OSBPL2: variants seen among roughly 807,000 people sequenced by gnomAD.
The protein encoded by OSBPL2 is oxysterol-binding protein-related protein 2.
OSBPL2 carries 18 observed loss-of-function variants against 58.4 expected under a neutral mutation model. That is an observed-to-expected ratio of 0.31 (90% CI 0.21 to 0.46). The LOEUF (loss-of-function observed/expected upper bound fraction) is 0.46, where lower values mean the gene tolerates loss of function less well. OSBPL2 is among the 20% of genes least tolerant of loss of function. The probability of loss-of-function intolerance (pLI) is 1.00; values close to 1 mark genes in which losing one functional copy is unlikely to be tolerated. For synonymous variants in OSBPL2, 221 were observed against 234.1 expected (o/e 0.94, Z 0.51); for missense variants, 461 against 616.5 (o/e 0.75, Z 2.67).
intron 1 of OSBPL2, among the ~76,000 whole-genome samples, chr20:62,241,755 G>A (rs1979754019): frequency 1.3e-5 from 2 of 152,230 alleles, no homozygotes; most frequent in Non-Finnish European, 2.9e-5. Context: ...TGCCTGGGCC[G>A]CCCTTGGCTC....
rs1373558399 is a variant in OSBPL2 at position 62,288,506 on chromosome 20, G to A, written c.1126-701G>A. On this transcript the variant is annotated intron_variant, in intron 11 of 13. Coordinates refer to ENST00000313733, the MANE Select transcript of OSBPL2 (RefSeq NM_144498.4). This position sits in a 1 kb window ranked among gnomAD's most constrained non-coding sequence, Gnocchi z 4.8. ...GTGCAGAGGCTGGGAGGCTGTGGGT[G>A]CAGAGGCCGGAGGCTGTGGGTGCAG... Among the ~76,000 whole-genome samples, 369 of 146,010 alleles carry A rather than the reference G, an allele frequency of 2.5e-3. No homozygotes were observed. Among genetic ancestry groups the A allele is most frequent in the African/African-American group, 9.1e-3 (346 of 38,054 alleles).
At chr20:62,274,214 T>C (rs1031655285) in intron 6 of OSBPL2, among the ~76,000 whole-genome samples, 2 of 152,172 alleles carry the variant, frequency 1.3e-5, no homozygotes, top group Non-Finnish European at 2.9e-5. Flanking sequence ...ATTCACAGAA[T>C]CATCCTGGGA....
At chr20:62,247,342 C>G in intron 1 of OSBPL2, among the ~76,000 whole-genome samples, 1 of 152,242 alleles carries the variant, frequency 6.6e-6, no homozygotes. Context: ...GATGTGGCCT[C>G]TTGTGGAGCA....
intron 3 of OSBPL2, among the ~76,000 whole-genome samples, chr20:62,262,023 T>C (rs1188359380): frequency 1.3e-5 from 2 of 151,884 alleles, no homozygotes; most frequent in Non-Finnish European, 2.9e-5. Context: ...CAAAGTATTG[T>C]GATTAAAGGT....
chr20:62,241,559 T>A (rs1185395871), intron 1 of OSBPL2, among the ~76,000 whole-genome samples: 5 of 152,268 alleles, frequency 3.3e-5, no homozygotes, highest in African/African-American at 1.2e-4. Flanking sequence ...TGTCTGGCCG[T>A]GCAGGCACAG....
At position 62,291,699 on chromosome 20, in the gene OSBPL2, CT is replaced by C. The variant is rs781009740; in HGVS notation, c.1250-3del. ...CTGACCTAAACTGTTTGCTTGGATC[CT>C]AGATCTGGCCAGCCAGGAGAAGGAG... On this transcript the variant is annotated splice_region_variant and splice_polypyrimidine_tract_variant and intron_variant, in intron 12 of 13. Coordinates refer to ENST00000313733, the MANE Select transcript of OSBPL2 (RefSeq NM_144498.4). 326 of 1,613,470 alleles carry C rather than the reference CT, an allele frequency of 2.0e-4. 1 individual carries two copies. Among genetic ancestry groups the C allele is most frequent in the Admixed American group, 1.7e-4 (10 of 60,014 alleles).
At chr20:62,277,365 C>T (rs956857953) in intron 6 of OSBPL2, among the ~76,000 whole-genome samples, 2 of 152,278 alleles carry the variant, frequency 1.3e-5, no homozygotes, top group Non-Finnish European at 2.9e-5. Flanking sequence ...TAGAGCGGGG[C>T]GTGCCGCCAG....
intron 1 of OSBPL2, among the ~76,000 whole-genome samples, chr20:62,240,787 T>C (rs992581600): frequency 6.6e-6 from 1 of 152,244 alleles, no homozygotes; most frequent in Admixed American, 6.5e-5. Context: ...CATTTCATTT[T>C]TTCTGAAATA....
chr20:62,279,763 G>A (rs1366174228), intron 7 of OSBPL2, among the ~76,000 whole-genome samples: 2 of 152,252 alleles, frequency 1.3e-5, no homozygotes, highest in Non-Finnish European at 1.5e-5. Context: ...GGCAATGAGG[G>A]TTGGGTTGCC....
intron 5 of OSBPL2, among the ~76,000 whole-genome samples, chr20:62,272,838 G>C (rs1352432360): frequency 6.6e-6 from 1 of 152,268 alleles, no homozygotes; most frequent in Non-Finnish European, 1.5e-5. Flanking sequence ...AGAGGCTACA[G>C]TGAGCCACGA....
At chr20:62,280,678 C>T (rs2282214) in intron 7 of OSBPL2, among the ~76,000 whole-genome samples, 60,741 of 152,104 alleles carry the variant, frequency 0.4, 13,015 homozygotes, top group East Asian at 0.52. Context: ...CACCCCTCCA[C>T]AGCCATGTGC....
Position 62,263,687 on chromosome 20 carries a change from G to A in OSBPL2, c.254G>A (p.Gly85Asp), listed in dbSNP as rs1981466689. Residue 85 changes from glycine (G) to aspartate (D), a missense_variant, in exon 4 of 14, where the codon GGC becomes GAC. Transcript: ENST00000313733. ...SVWTILKKCV[G>D]LELSKITMPI... is the part of the protein sequence containing the mutation. The stretch of plus-strand genomic sequence containing the variant: ...TGGACCATCCTGAAGAAGTGTGTTG[G>A]CCTGGTGAGTCCGGGGGCCCGTGTT... 2 of 1,613,834 alleles carry A rather than the reference G, an allele frequency of 1.2e-6. No individual in the cohort carries two copies. The highest frequency in any genetic ancestry group is 3.3e-5 in the Admixed American group (2 of 60,004).
intron 1 of OSBPL2, among the ~76,000 whole-genome samples, chr20:62,240,337 G>T (rs1229878866): frequency 1.3e-5 from 2 of 152,166 alleles, no homozygotes; most frequent in African/African-American, 4.8e-5. Context: ...CTCCCTCATA[G>T]AATTTACCCT....
intron 12 of OSBPL2, among the ~76,000 whole-genome samples, chr20:62,290,635 C>T (rs774469309): frequency 4.7e-5 from 7 of 149,692 alleles, no homozygotes; most frequent in South Asian, 2.1e-4. Context: ...TTAGCCAGGA[C>T]GGTCTCGATC....
At chr20:62,252,348 T>C (rs1980615278) in intron 1 of OSBPL2, among the ~76,000 whole-genome samples, 1 of 152,186 alleles carries the variant, frequency 6.6e-6, no homozygotes. Context: ...TCTTTCTGTC[T>C]TTGTAATTGA....
intron 6 of OSBPL2, among the ~76,000 whole-genome samples, chr20:62,275,921 T>TA (rs962075148): frequency 1.4e-4 from 21 of 151,678 alleles, no homozygotes; most frequent in African/African-American, 5.1e-4. Flanking sequence ...AATTTTTTTT[T>TA]TTTTTTGAGA....
In OSBPL2 at chr20:62,269,588, G is replaced by A. The variant is rs1981919247; in HGVS notation, c.259-2537G>A. Among the ~76,000 whole-genome samples, 1 of 152,206 alleles carries A rather than the reference G, an allele frequency of 6.6e-6. No individual in the cohort carries two copies. On this transcript the variant is annotated intron_variant, in intron 4 of 13. Coordinates refer to ENST00000313733, the MANE Select transcript of OSBPL2 (RefSeq NM_144498.4). This position sits in a 1 kb window ranked among gnomAD's most constrained non-coding sequence, Gnocchi z 4.2. ...GGGCTGCCACCGGCCGCACTTCCCG[G>A]CCTCCCTGGTCCCAATCTCTGGCCG...
chr20:62,291,500 C>T, intron 12 of OSBPL2: 1 of 616,908 alleles, frequency 1.6e-6, no homozygotes, highest in East Asian at 2.9e-5. Context: ...CTACTCAGCT[C>T]CGCTTGGGAA....
rs1983817755 is a variant in OSBPL2, at chr20:62,295,610, T to G, written c.*1723T>G. 1 of 152,192 alleles carries G rather than the reference T, an allele frequency of 6.6e-6. No individual in the cohort carries two copies. Among genetic ancestry groups the G allele is most frequent in the Admixed American group, 6.5e-5 (1 of 15,276 alleles). The allele number at this position is 152,192 out of a possible 1,614,324, so 9.4% of individuals were successfully genotyped here. On this transcript the variant is annotated 3_prime_UTR_variant, in exon 14 of 14. Transcript: ENST00000313733. This position sits in a 1 kb window ranked among gnomAD's most constrained non-coding sequence, Gnocchi z 4.8. ...AAAGTGTCTGAACAGAACCGCTCCG[T>G]GACTGGTAGCTGGGTCTGAGGATTC...
Sources: gnomAD v4.1 joint callset for allele counts (sites outside exome capture counted in the v4.1 genomes callset) on GRCh38, gnomAD v4.1.1 for gene constraint, Gnocchi (gnomAD v3.1) non-coding constraint, MANE v1.5 for transcripts, NCBI Gene and HGNC (gene_info 2026-07-23, HGNC 2026-07-21) for gene names.